Variants in P3H2 observed in about 807,000 individuals in gnomAD.
P3H2 encodes the protein leprecan-like 1.
Under a neutral mutation model 87.0 loss-of-function variants are expected in P3H2, and 80 were observed. The ratio of observed to expected loss-of-function variants is 0.92; its 90% CI spans 0.77 to 1.11. The LOEUF is 1.11. Among genes scored for constraint, P3H2 ranks in the 50% least tolerant of loss-of-function variants. The pLI, the probability that P3H2 is intolerant of heterozygous loss-of-function variation, is 0.00. For missense variants in P3H2, 1,001 were observed against 923.9 expected, an observed-to-expected ratio of 1.08 and a Z score of -1.08; for synonymous variants, 367 against 359.3, an observed-to-expected ratio of 1.02 and a Z score of -0.24.
chr3:190,053,505 T>G (rs938470038), intron 1 of P3H2, among the ~76,000 whole-genome samples: 4 of 150,088 alleles, frequency 2.7e-5, no homozygotes, highest in African/African-American at 9.8e-5. Context: ...GGCCCCAGTC[T>G]GGAGTGCAAT....
chr3:190,036,278 C>T (rs960096327), intron 1 of P3H2, among the ~76,000 whole-genome samples: 2 of 152,132 alleles, frequency 1.3e-5, no homozygotes, highest in African/African-American at 4.8e-5. Flanking sequence ...CCTAATGATG[C>T]ATTCCACATA....
chr3:189,965,761 G>A (rs1722955967), intron 13 of P3H2, among the ~76,000 whole-genome samples: 2 of 152,080 alleles, frequency 1.3e-5, no homozygotes, highest in African/African-American at 2.4e-5. Flanking sequence ...CAAGGCAGGT[G>A]GATCACCTGA....
At chr3:190,055,849 T>C (rs894491652) in intron 1 of P3H2, among the ~76,000 whole-genome samples, 3 of 152,240 alleles carry the variant, frequency 2.0e-5, no homozygotes, top group Admixed American at 6.5e-5. Context: ...AGAGCCTCTT[T>C]TTCCTTCTTG....
intron 2 of P3H2, among the ~76,000 whole-genome samples, chr3:189,994,922 C>T (rs1724002352): frequency 6.6e-6 from 1 of 151,940 alleles, no homozygotes; most frequent in Non-Finnish European, 1.5e-5. Flanking sequence ...TTACACTGGC[C>T]TCACCTCCTA....
chr3:190,001,597 A>T (rs557422562), intron 1 of P3H2, among the ~76,000 whole-genome samples: 11 of 152,214 alleles, frequency 7.2e-5, no homozygotes, highest in Non-Finnish European at 1.5e-4. Flanking sequence ...CACTGAAGAC[A>T]TCCTGTTTCT....
In P3H2 at chr3:189,998,193, T is replaced by C. The variant is rs182372116; in HGVS notation, c.481-2751A>G. Among the ~76,000 whole-genome samples, 759 of 152,276 alleles carry C rather than the reference T, an allele frequency of 5.0e-3. 6 individuals carry two copies. In the Middle Eastern group the frequency reaches 0.051, roughly 10 times the overall value. ...CCCATGAACACATAATATAAGAGGA[T>C]AGAGTAGGTGCTTCTGGTTGGTGAA... On this transcript the variant is annotated intron_variant, in intron 1 of 14. Coordinates refer to ENST00000319332, the MANE Select transcript of P3H2 (RefSeq NM_018192.4).
At chr3:190,082,086 T>A (rs1394989288) in intron 1 of P3H2, among the ~76,000 whole-genome samples, 1 of 152,066 alleles carries the variant, frequency 6.6e-6, no homozygotes, top group Non-Finnish European at 1.5e-5. Context: ...TGAAACTGCA[T>A]CTCTACTAAA....
At chr3:190,061,899 A>G (rs1023950644) in intron 1 of P3H2, among the ~76,000 whole-genome samples, 2 of 152,304 alleles carry the variant, frequency 1.3e-5, no homozygotes, top group East Asian at 3.9e-4. Flanking sequence ...TTTTCTTGGT[A>G]GAACACAAAA....
At chr3:189,988,159 C>T (rs182635972) in intron 4 of P3H2, among the ~76,000 whole-genome samples, 1 of 152,248 alleles carries the variant, frequency 6.6e-6, no homozygotes, top group Admixed American at 6.5e-5. Flanking sequence ...CATAGAGTCC[C>T]AGATGTTCTG....
chr3:190,103,855 G>A (rs949452844), intron 1 of P3H2, among the ~76,000 whole-genome samples: 14 of 151,774 alleles, frequency 9.2e-5, no homozygotes, highest in African/African-American at 2.4e-4. Context: ...GCAGTGGTGC[G>A]ATCTCGGCTC....
intron 13 of P3H2, chr3:189,969,961 T>C (rs1224568034): frequency 1.1e-5 from 7 of 665,770 alleles, no homozygotes; most frequent in Non-Finnish European, 1.7e-5. Flanking sequence ...TTTTCTACCA[T>C]TGTGTATGCT....
chr3:190,080,388 T>C (rs1452640364), intron 1 of P3H2, among the ~76,000 whole-genome samples: 2 of 152,028 alleles, frequency 1.3e-5, no homozygotes, highest in Admixed American at 1.3e-4. Context: ...ATTTGAGTGC[T>C]TTTTTCTTTT....
intron 1 of P3H2, among the ~76,000 whole-genome samples, chr3:190,101,397 G>A (rs1160422026): frequency 1.4e-4 from 17 of 118,532 alleles, no homozygotes; most frequent in East Asian, 5.0e-4. Context: ...AAAAAAAAGC[G>A]ATTGAAGGAA....
intron 1 of P3H2, among the ~76,000 whole-genome samples, chr3:190,110,025 T>A (rs568757287): frequency 1.3e-5 from 2 of 151,980 alleles, no homozygotes; most frequent in East Asian, 3.9e-4. Flanking sequence ...ATTCTTGTAT[T>A]TTTAGTAGAG....
At chr3:190,045,935 C>G (rs549694586) in intron 1 of P3H2, among the ~76,000 whole-genome samples, 2 of 152,044 alleles carry the variant, frequency 1.3e-5, no homozygotes, top group Non-Finnish European at 2.9e-5. Context: ...TCCTGGCTAA[C>G]ATGGTGAAAC....
rs1326030445 is a variant in P3H2 at position 189,991,633 on chromosome 3, C to T, written c.823+2461G>A. On this transcript the variant is annotated intron_variant, in intron 3 of 14. Coordinates refer to ENST00000319332, the MANE Select transcript of P3H2 (RefSeq NM_018192.4). ...TTAGCCGAGAGATAGAAGAAAACAA[C>T]ACTTTGAAGATCTGTAAGTGGAAAT... is the stretch of plus-strand genomic sequence containing the variant. Among the ~76,000 whole-genome samples the T allele has an allele frequency of 2.0e-5, 3 of 152,186 alleles. No homozygotes were observed. In the South Asian group the frequency reaches 6.2e-4, roughly 31 times the overall value.
intron 13 of P3H2, chr3:189,969,161 C>A: frequency 1.6e-6 from 1 of 640,264 alleles, no homozygotes; most frequent in Non-Finnish European, 2.9e-6. Flanking sequence ...GTCTGTAAGT[C>A]CCGGTCCACC....
At chr3:190,019,205 C>T (rs1207542595) in intron 1 of P3H2, among the ~76,000 whole-genome samples, 1 of 152,136 alleles carries the variant, frequency 6.6e-6, no homozygotes, top group Non-Finnish European at 1.5e-5. Flanking sequence ...CTGGCCCTCC[C>T]AGTGTCTGTC....
intron 1 of P3H2, among the ~76,000 whole-genome samples, chr3:190,035,830 A>T (rs1393930159): frequency 1.3e-5 from 2 of 152,150 alleles, no homozygotes; most frequent in African/African-American, 4.8e-5. Flanking sequence ...GGAATGTCTT[A>T]TTAGAGTTTT....
Sources: allele counts gnomAD v4.1 joint callset (sites outside exome capture counted in the v4.1 genomes callset), GRCh38; gene constraint gnomAD v4.1.1; transcripts MANE v1.5; gene names NCBI Gene and HGNC (gene_info 2026-07-23, HGNC 2026-07-21).